CADPS: variants seen among roughly 807,000 people sequenced by gnomAD.
The protein encoded by CADPS is calcium dependent secretion activator, also known as calcium-dependent secretion activator 1.
In CADPS, 57 loss-of-function variants were observed where a neutral mutation model predicts 167.3. The observed-to-expected ratio is 0.34, with a 90% CI of 0.28 to 0.42. The LOEUF (loss-of-function observed/expected upper bound fraction) is 0.42. Ranked by LOEUF, CADPS falls within the 20% of genes least tolerant of loss-of-function variation. CADPS has a pLI of 1.00. For missense variants in CADPS, 1,414 were observed against 1,738.1 expected (o/e 0.81, Z 3.32); for synonymous variants, 676 against 635.3 (o/e 1.06, Z -0.96).
At chr3:62,804,103 G>T (rs11709575) in intron 1 of CADPS, among the ~76,000 whole-genome samples, 8 of 151,952 alleles carry the variant, frequency 5.3e-5, no homozygotes, top group African/African-American at 1.9e-4. Flanking sequence ...CAATCAGGAC[G>T]TATTAATTTG....
In CADPS at chr3:62,398,619, G is replaced by C. The variant is rs993386974; in HGVS notation, c.*787C>G. ...TTATTATAAACACATTTTTAGTCTAGGGTTGTAATTTAAATATTCATTTTT... is the reference window on the plus strand; with the variant it reads ...TTATTATAAACACATTTTTAGTCTACGGTTGTAATTTAAATATTCATTTTT... On this transcript the variant is annotated 3_prime_UTR_variant, in exon 30 of 30. Transcript: ENST00000383710. 3.9e-5 allele frequency: 6 copies of C among 152,580 alleles called. No individual in the cohort carries two copies. The highest frequency in any genetic ancestry group is 8.8e-5 in the Non-Finnish European group (6 of 68,036). 9.5% of individuals were successfully genotyped at this position (152,580 alleles called of 1,614,324 possible).
chr3:62,401,484 C>A (rs546669974), intron 29 of CADPS, among the ~76,000 whole-genome samples: 1 of 152,276 alleles, frequency 6.6e-6, no homozygotes, highest in South Asian at 2.1e-4. Flanking sequence ...TAAATAAATG[C>A]TTGCTGAATA....
At chr3:62,652,080 G>C (rs544283408) in intron 4 of CADPS, among the ~76,000 whole-genome samples, 2 of 152,254 alleles carry the variant, frequency 1.3e-5, no homozygotes, top group South Asian at 4.1e-4. Flanking sequence ...TTCATGCTCA[G>C]TTTGGCTCCC....
At chr3:62,790,921 A>G (rs1264376300) in intron 1 of CADPS, among the ~76,000 whole-genome samples, 1 of 151,738 alleles carries the variant, frequency 6.6e-6, no homozygotes, top group African/African-American at 2.4e-5. Flanking sequence ...TGCTTTTGTT[A>G]CCGTCATGAT....
chr3:62,754,481 C>G (rs1169901897), intron 2 of CADPS, among the ~76,000 whole-genome samples: 1 of 152,102 alleles, frequency 6.6e-6, no homozygotes, highest in East Asian at 1.9e-4. Context: ...AGTCAATGCA[C>G]CCAGAATTTA....
At chr3:62,485,128 A>G (rs539789737) in intron 21 of CADPS, among the ~76,000 whole-genome samples, 1 of 151,146 alleles carries the variant, frequency 6.6e-6, no homozygotes, top group African/African-American at 2.4e-5. Context: ...TCTGTGCTAT[A>G]TATATAAAAA....
At chr3:62,783,602 C>A (rs1009782181) in intron 1 of CADPS, among the ~76,000 whole-genome samples, 2 of 152,042 alleles carry the variant, frequency 1.3e-5, no homozygotes, top group Non-Finnish European at 2.9e-5. Context: ...ATTTTCTTAA[C>A]CTGTTAGACA....
intron 1 of CADPS, among the ~76,000 whole-genome samples, chr3:62,786,993 AT>A (rs1048674957): frequency 6.6e-6 from 1 of 152,042 alleles, no homozygotes; most frequent in Non-Finnish European, 1.5e-5. Context: ...ATGATCAAGT[AT>A]TTTTTTAAAA....
chr3:62,641,129 T>C (rs751575964), intron 6 of CADPS, among the ~76,000 whole-genome samples: 3 of 152,214 alleles, frequency 2.0e-5, no homozygotes, highest in Non-Finnish European at 4.4e-5. Flanking sequence ...GGAAATCTTA[T>C]GTCATTGCTA....
At chr3:62,860,474 A>T (rs757549396) in intron 1 of CADPS, among the ~76,000 whole-genome samples, 7 of 152,236 alleles carry the variant, frequency 4.6e-5, no homozygotes, top group Non-Finnish European at 1.0e-4. Context: ...GCATATGCTC[A>T]AGTCTCACCG....
intron 8 of CADPS, among the ~76,000 whole-genome samples, chr3:62,574,673 T>C (rs1388590557): frequency 6.6e-6 from 1 of 152,120 alleles, no homozygotes; most frequent in Non-Finnish European, 1.5e-5. Flanking sequence ...CAGTTAAGAG[T>C]ATAATCTTCC....
chr3:62,740,889 A>C (rs1165252003), intron 3 of CADPS, among the ~76,000 whole-genome samples: 1 of 152,248 alleles, frequency 6.6e-6, no homozygotes, highest in Non-Finnish European at 1.5e-5. Flanking sequence ...GCCTGGATTC[A>C]CACTGCCACT....
chr3:62,603,528 T>C (rs1276798585), intron 6 of CADPS, among the ~76,000 whole-genome samples: 1 of 152,158 alleles, frequency 6.6e-6, no homozygotes, highest in Admixed American at 6.5e-5. Context: ...TGCATCTCAG[T>C]GCTTATTTTC....
chr3:62,681,922 G>C (rs572137441), intron 3 of CADPS, among the ~76,000 whole-genome samples: 8 of 152,074 alleles, frequency 5.3e-5, no homozygotes, highest in African/African-American at 1.9e-4. Context: ...TGGCAATTCA[G>C]GCCTTTTGTT....
chr3:62,722,808 T>C (rs1466071105), intron 3 of CADPS, among the ~76,000 whole-genome samples: 2 of 152,132 alleles, frequency 1.3e-5, no homozygotes, highest in African/African-American at 4.8e-5. Context: ...TAATTGTTTT[T>C]TGTGGGGGTG....
Position 62,516,190 on chromosome 3 carries a change from T to C in CADPS, c.2458-8A>G, listed in dbSNP as rs777387100. On this transcript the variant is annotated splice_polypyrimidine_tract_variant and splice_region_variant and intron_variant, in intron 15 of 29. Coordinates refer to ENST00000383710, the MANE Select transcript of CADPS (RefSeq NM_003716.4). ...AATATCTTTCATCAAAACCTTCAAG[T>C]AGGAAAAAGAGGGATTATTAAGAAG... is the stretch of plus-strand genomic sequence containing the variant. 6.2e-7 allele frequency: 1 copy of C among 1,612,556 alleles called. No individual in the cohort carries two copies. Among genetic ancestry groups the C allele is most frequent in the African/African-American group, 1.3e-5 (1 of 74,942 alleles).
chr3:62,632,760 G>A (rs1254225315), intron 6 of CADPS, among the ~76,000 whole-genome samples: 3 of 152,066 alleles, frequency 2.0e-5, no homozygotes, highest in East Asian at 3.9e-4. Context: ...ATCTAGAAGG[G>A]GAAGGGAATG....
At chr3:62,612,399 T>G (rs990551653) in intron 6 of CADPS, among the ~76,000 whole-genome samples, 1 of 152,230 alleles carries the variant, frequency 6.6e-6, no homozygotes, top group Non-Finnish European at 1.5e-5. Context: ...TTCTCTAGTC[T>G]GTACAGGAGC....
chr3:62,604,097 T>C (rs764593097), intron 6 of CADPS, among the ~76,000 whole-genome samples: 1 of 152,132 alleles, frequency 6.6e-6, no homozygotes, highest in Non-Finnish European at 1.5e-5. Context: ...CCCAAAGTGC[T>C]GGGATTACAG....
Sources: gnomAD v4.1 joint callset for allele counts (sites outside exome capture counted in the v4.1 genomes callset) on GRCh38, gnomAD v4.1.1 for gene constraint, MANE v1.5 for transcripts, NCBI Gene and HGNC (gene_info 2026-07-23, HGNC 2026-07-21) for gene names.